Variants in COPG1 observed in about 807,000 individuals in gnomAD.
COPG1 encodes coatomer subunit gamma-1.
In COPG1, 29 loss-of-function variants were observed where a neutral mutation model predicts 102.8. That is an observed-to-expected ratio of 0.28 (90% CI 0.21 to 0.38). The LOEUF (loss-of-function observed/expected upper bound fraction) is 0.38. COPG1 is among the 10% of genes least tolerant of loss of function. The probability of loss-of-function intolerance (pLI) is 1.00; values close to 1 mark genes in which losing one functional copy is unlikely to be tolerated. For synonymous variants in COPG1, 406 were observed against 421.6 expected (o/e 0.96, Z 0.45); for missense variants, 875 against 1,132.7 (o/e 0.77, Z 3.27).
In COPG1 at chr3:129,271,894, C is replaced by T; in HGVS notation, c.1971C>T (p.Asn657=). The T allele has an allele frequency of 1.2e-6, 2 of 1,614,094 alleles. No individual in the cohort carries two copies. Residue 657 remains asparagine, a synonymous_variant, in exon 19 of 24, where the codon AAC becomes AAT. Coordinates refer to ENST00000314797, the MANE Select transcript of COPG1 (RefSeq NM_016128.4). The surrounding 1 kb of genome is among the most constrained non-coding windows in gnomAD (Gnocchi z 4.7). ...GCTGCACCAAACACACCTTCACCAA[C>T]CACATGGTTTTTCAGGTGAGCAAGG... ...VIRCTKHTFT[N]HMVFQFDCTN...
rs200177980 is a variant in COPG1 at position 129,275,261 on chromosome 3, T to A, written c.2463T>A (p.Asp821Glu). The change falls in exon 23 of 24, where the codon GAT (aspartate) becomes GAA (glutamate). Residue 821 changes from aspartate (D) to glutamate (E), a missense_variant. By Grantham distance (45) the Asp-to-Glu change is conservative (BLOSUM62 2). Coordinates refer to ENST00000314797, the MANE Select transcript of COPG1 (RefSeq NM_016128.4). The surrounding 1 kb of genome is among the most constrained non-coding windows in gnomAD (Gnocchi z 5.0). ...GTGAGAGGTCAGACAAAGTGCCGGA[T>A]AACAAGAACACCCACACGTTGCTCC... The part of the protein sequence containing the change: ...HPCERSDKVP[D>E]NKNTHTLLLA... 1 of 1,614,174 alleles carries A rather than the reference T, an allele frequency of 6.2e-7. No individual in the cohort carries two copies. Among genetic ancestry groups the A allele is most frequent in the Non-Finnish European group, 8.5e-7 (1 of 1,180,012 alleles).
intron 14 of COPG1, among the ~76,000 whole-genome samples, chr3:129,266,433 T>A (rs990353170): frequency 1.3e-5 from 2 of 150,342 alleles, no homozygotes; most frequent in Non-Finnish European, 3.0e-5. Context: ...CTTAAGTGAT[T>A]TTTTTTTTAA....
At chr3:129,260,441 C>T in intron 11 of COPG1, 41 bp downstream of exon 11, 1 of 1,594,736 alleles carries the variant, frequency 6.3e-7, no homozygotes, top group Non-Finnish European at 8.6e-7. Context: ...CTGTCTGATC[C>T]AACTGGAGGT....
intron 13 of COPG1, 111 bp downstream of exon 13, chr3:129,264,110 A>G: frequency 1.1e-6 from 1 of 887,966 alleles, no homozygotes; most frequent in Non-Finnish European, 1.8e-6. Flanking sequence ...CTGTTAACCA[A>G]CTGGTTTTCA....
intron 19 of COPG1, 162 bp from the exon 20 acceptor site, chr3:129,272,082 A>G (rs1940192212): frequency 2.1e-6 from 2 of 969,974 alleles, no homozygotes; most frequent in South Asian, 3.3e-5. Flanking sequence ...CGGGACATCC[A>G]TGGCTCCCGA....
intron 7 of COPG1, 149 bp downstream of exon 7, chr3:129,255,226 T>C (rs1939783776): frequency 8.3e-6 from 5 of 602,822 alleles, no homozygotes. Context: ...TCACCCAGGC[T>C]AGAGTGCAGC....
intron 7 of COPG1, 112 bp downstream of exon 7, chr3:129,255,189 T>G: frequency 1.4e-6 from 1 of 728,098 alleles, no homozygotes; most frequent in Admixed American, 2.7e-5. Context: ...CTTTTTTTTT[T>G]TTTGATTGAG....
intron 2 of COPG1, 80 bp downstream of exon 2, chr3:129,250,814 T>A (rs550232110): frequency 1.5e-6 from 2 of 1,323,448 alleles, no homozygotes; most frequent in South Asian, 1.2e-5. Flanking sequence ...ACATTCAAAG[T>A]GTTGTTTTAA....
intron 17 of COPG1, 111 bp from the exon 18 acceptor site, chr3:129,268,821 A>G: frequency 3.4e-6 from 4 of 1,172,900 alleles, no homozygotes; most frequent in Non-Finnish European, 3.8e-6. Context: ...TCTGCTTCCC[A>G]CTCTCAGGAG....
intron 8 of COPG1, 64 bp from the exon 9 acceptor site, chr3:129,257,406 G>A: frequency 1.3e-6 from 2 of 1,579,670 alleles, no homozygotes; most frequent in Non-Finnish European, 1.7e-6. Context: ...CCCACCCAGG[G>A]CCACACAGCC....
intron 2 of COPG1, 51 bp downstream of exon 2, chr3:129,250,785 A>C: frequency 6.9e-7 from 1 of 1,454,690 alleles, no homozygotes; most frequent in Non-Finnish European, 9.7e-7. Context: ...TTCACCACCA[A>C]TGCAACTGAA....
At chr3:129,249,897 A>G in intron 1 of COPG1, 151 bp downstream of exon 1, 1 of 761,048 alleles carries the variant, frequency 1.3e-6, no homozygotes, top group Non-Finnish European at 2.0e-6. Context: ...GGCCTCGGAG[A>G]GCCCGAGCAT....
chr3:129,255,209 C>T, intron 7 of COPG1, 132 bp downstream of exon 7: 1 of 628,826 alleles, frequency 1.6e-6, no homozygotes, highest in Non-Finnish European at 2.7e-6. Flanking sequence ...GACGGAGTCT[C>T]ACTCTGTCAC....
intron 7 of COPG1, 136 bp downstream of exon 7, chr3:129,255,213 C>G (rs1939783527): frequency 4.8e-6 from 3 of 624,376 alleles, no homozygotes; most frequent in Non-Finnish European, 8.3e-6. Context: ...GAGTCTCACT[C>G]TGTCACCCAG....
chr3:129,261,863 C>A (rs1354508851), intron 12 of COPG1, among the ~76,000 whole-genome samples: 1 of 152,224 alleles, frequency 6.6e-6, no homozygotes, highest in Non-Finnish European at 1.5e-5. Flanking sequence ...CAGGCCCATT[C>A]CTACCTCTCT....
intron 23 of COPG1, among the ~76,000 whole-genome samples, chr3:129,276,781 T>C (rs1044255735): frequency 6.6e-6 from 1 of 152,146 alleles, no homozygotes; most frequent in African/African-American, 2.4e-5. Flanking sequence ...TCCCTGCCAC[T>C]TTGTAGTTGA....
At chr3:129,269,333 A>G (rs1361073696) in intron 18 of COPG1, among the ~76,000 whole-genome samples, 1 of 152,196 alleles carries the variant, frequency 6.6e-6, no homozygotes, top group East Asian at 1.9e-4. Flanking sequence ...TGGGATTCAA[A>G]GACACTGGTA....
chr3:129,249,769 TG>T, intron 1 of COPG1, 23 bp downstream of exon 1: 1 of 1,548,100 alleles, frequency 6.5e-7, no homozygotes. Flanking sequence ...GGCCTGGGTC[TG>T]AGGGAGGCCG....
At chr3:129,274,182 T>C in intron 21 of COPG1, 1 of 409,118 alleles carries the variant, frequency 2.4e-6, no homozygotes, top group South Asian at 1.7e-5. Flanking sequence ...CATCCAGAGA[T>C]GAAGAAAAAA....
Sources: allele counts gnomAD v4.1 joint callset (sites outside exome capture counted in the v4.1 genomes callset), GRCh38; gene constraint gnomAD v4.1.1; non-coding constraint Gnocchi (gnomAD v3.1); transcripts MANE v1.5; gene names NCBI Gene and HGNC (gene_info 2026-07-23, HGNC 2026-07-21).